Variants in SLC24A2 observed in about 807,000 individuals in gnomAD.
The protein encoded by SLC24A2 is solute carrier family 24 member 2.
SLC24A2 carries 36 observed loss-of-function variants against 62.0 expected under a neutral mutation model. The observed-to-expected ratio is 0.58, with a 90% CI of 0.44 to 0.77. The LOEUF (loss-of-function observed/expected upper bound fraction) is 0.77. Ranked by LOEUF, SLC24A2 falls within the 30% of genes least tolerant of loss-of-function variation. The probability of loss-of-function intolerance (pLI) is 0.00; values close to 1 mark genes in which losing one functional copy is unlikely to be tolerated. For synonymous variants in SLC24A2, 358 were observed against 294.0 expected (o/e 1.22, Z -2.23); for missense variants, 846 against 817.9 (o/e 1.03, Z -0.42).
intron 2 of SLC24A2, among the ~76,000 whole-genome samples, chr9:19,692,100 T>C (rs1244761541): frequency 6.6e-6 from 1 of 152,154 alleles, no homozygotes; most frequent in African/African-American, 2.4e-5. Flanking sequence ...TTAACCTATC[T>C]GTAAAAGCAG....
chr9:20,250,322 TCTC>T, the SLC24A2 span, among the ~76,000 whole-genome samples: 1 of 152,172 alleles, frequency 6.6e-6, no homozygotes, highest in Non-Finnish European at 1.5e-5. Context: ...CTACAGGTCT[TCTC>T]CTCAAAATGT....
At chr9:20,139,457 G>A in the SLC24A2 span, among the ~76,000 whole-genome samples, 3 of 152,146 alleles carry the variant, frequency 2.0e-5, no homozygotes, top group Non-Finnish European at 4.4e-5. Context: ...TCAAAAAATG[G>A]CAGCTTTACC....
chr9:20,057,968 T>C, the SLC24A2 span, among the ~76,000 whole-genome samples: 1 of 152,148 alleles, frequency 6.6e-6, no homozygotes, highest in Non-Finnish European at 1.5e-5. Flanking sequence ...GATTTTGTGG[T>C]CATCCTTCAG....
chr9:19,582,834 C>T (rs1836247435), intron 5 of SLC24A2, among the ~76,000 whole-genome samples: 2 of 152,140 alleles, frequency 1.3e-5, no homozygotes, highest in Non-Finnish European at 1.5e-5. Flanking sequence ...ATGCCATCTA[C>T]CAGCAAATCT....
At chr9:19,570,971 G>T (rs999237197) in intron 7 of SLC24A2, among the ~76,000 whole-genome samples, 2 of 152,214 alleles carry the variant, frequency 1.3e-5, no homozygotes, top group African/African-American at 4.8e-5. Context: ...CCTTTGTGGA[G>T]ACCTAGGGCC....
chr9:19,963,774 C>G, the SLC24A2 span, among the ~76,000 whole-genome samples: 110 of 152,192 alleles, frequency 7.2e-4, no homozygotes, highest in Non-Finnish European at 1.0e-3. Flanking sequence ...GTTGGTGGGA[C>G]TGTAAACTAG....
the SLC24A2 span, among the ~76,000 whole-genome samples, chr9:19,932,762 C>T: frequency 3.3e-5 from 5 of 152,162 alleles, no homozygotes; most frequent in Admixed American, 3.3e-4. Flanking sequence ...AAAAAATATA[C>T]ATGTGCATAG....
the SLC24A2 span, among the ~76,000 whole-genome samples, chr9:20,219,057 G>C: frequency 2.0e-5 from 3 of 152,234 alleles, no homozygotes; most frequent in South Asian, 2.1e-4. Flanking sequence ...CTCTGTCATT[G>C]TATGTGAGGG....
Position 19,739,109 on chromosome 9 carries a change from T to C in SLC24A2, c.930+46828A>G, listed in dbSNP as rs573936259. Among the ~76,000 whole-genome samples the C allele has an allele frequency of 7.9e-5, 12 of 152,306 alleles. No homozygotes were observed. In the South Asian group the frequency reaches 2.1e-3, roughly 26 times the overall value. The stretch of plus-strand genomic sequence containing the variant: ...TCCATCCGGGGTGACAGAGTGAGAC[T>C]CTGTTCCCTCCCCAAAAAATCATTT... On this transcript the variant is annotated intron_variant, in intron 2 of 10. Transcript: ENST00000341998.
the SLC24A2 span, among the ~76,000 whole-genome samples, chr9:20,036,343 G>C: frequency 1.3e-5 from 2 of 151,976 alleles, no homozygotes; most frequent in African/African-American, 2.4e-5. Flanking sequence ...GAACATTTGA[G>C]ATTTATTCTC....
the SLC24A2 span, among the ~76,000 whole-genome samples, chr9:20,248,069 T>C: frequency 6.6e-6 from 1 of 152,216 alleles, no homozygotes; most frequent in Non-Finnish European, 1.5e-5. Context: ...CAGATTCCAG[T>C]GCCAGTTCTC....
the SLC24A2 span, among the ~76,000 whole-genome samples, chr9:19,993,200 GGGC>G: frequency 6.6e-6 from 1 of 152,118 alleles, no homozygotes; most frequent in Non-Finnish European, 1.5e-5. Context: ...TCCATCCACA[GGGC>G]ATCTGAAAAT....
chr9:19,573,621 G>A (rs1331072638), intron 6 of SLC24A2, 152 bp from the exon 7 acceptor site: 1 of 734,450 alleles, frequency 1.4e-6, no homozygotes. Flanking sequence ...TTGGGCTAAA[G>A]CAGAGGATAG....
At chr9:20,003,203 C>T in the SLC24A2 span, among the ~76,000 whole-genome samples, 1 of 152,298 alleles carries the variant, frequency 6.6e-6, no homozygotes, top group East Asian at 1.9e-4. Flanking sequence ...TAACCAAACA[C>T]TTGAACACGT....
chr9:19,622,271 G>A lies in SLC24A2; in HGVS notation c.959C>T (p.Pro320Leu), dbSNP rs753295123. The A allele has an allele frequency of 1.5e-5, 24 of 1,612,934 alleles. 1 individual carries two copies. Among genetic ancestry groups the A allele is most frequent in the South Asian group, 1.2e-4 (11 of 91,020 alleles). ...GCCACTGCTTCCTACCGGTAGAGTT[G>A]GTTCATCCTTGTCCCTGGCTGCAGA... The part of the protein sequence containing the change: ...KPSAARDKDE[P>L]TLPAKPRLQR... The change falls in exon 3 of 11, where the codon CCA becomes CTA. Residue 320 changes from proline (P) to leucine (L), a missense_variant. Coordinates refer to ENST00000341998, the MANE Select transcript of SLC24A2 (RefSeq NM_020344.4).
At chr9:19,933,466 C>CCATTCATT in the SLC24A2 span, among the ~76,000 whole-genome samples, 24 of 152,082 alleles carry the variant, frequency 1.6e-4, no homozygotes, top group Non-Finnish European at 2.8e-4. Flanking sequence ...ATTCTTAGTT[C>CCATTCATT]CATTCATTCA....
At position 19,511,874 on chromosome 9, in the gene SLC24A2, T is replaced by TG. The variant is rs894845109; in HGVS notation, c.*4278dup. On this transcript the variant is annotated 3_prime_UTR_variant, in exon 11 of 11. Coordinates refer to ENST00000341998, the MANE Select transcript of SLC24A2 (RefSeq NM_020344.4). ...GCATCCACATAATCTCGCGTGTGTG[T>TG]GGGGGTGTGGGTGTGTGTTTGGTAG... is the stretch of plus-strand genomic sequence containing the variant. 3 of 152,210 alleles carry TG rather than the reference T, an allele frequency of 2.0e-5. No individual in the cohort carries two copies. The highest frequency in any genetic ancestry group is 7.2e-5 in the African/African-American group (3 of 41,420). The allele number at this position is 152,210 out of a possible 1,614,324, so 9.4% of individuals were successfully genotyped here.
At chr9:19,594,662 C>T (rs1836654624) in intron 5 of SLC24A2, among the ~76,000 whole-genome samples, 1 of 152,208 alleles carries the variant, frequency 6.6e-6, no homozygotes, top group South Asian at 2.1e-4. Flanking sequence ...AAATGCTTAA[C>T]TGGAAGGGGT....
the SLC24A2 span, among the ~76,000 whole-genome samples, chr9:20,213,613 T>C: frequency 6.6e-6 from 1 of 152,166 alleles, no homozygotes; most frequent in Non-Finnish European, 1.5e-5. Context: ...AGAGAAGATA[T>C]AGATAACCAC....
Sources: gnomAD v4.1 joint callset for allele counts (sites outside exome capture counted in the v4.1 genomes callset) on GRCh38, gnomAD v4.1.1 for gene constraint, MANE v1.5 for transcripts, NCBI Gene and HGNC (gene_info 2026-07-23, HGNC 2026-07-21) for gene names.